The following NALF1 variants were observed in gnomAD, a reference collection of about 807,000 sequenced individuals.
NALF1 encodes the protein NALCN channel auxiliary factor 1.
A neutral mutation model predicts 48.4 loss-of-function variants in NALF1; 3 were observed. The observed-to-expected ratio is 0.06, with a 90% confidence interval of 0.03 to 0.16. The LOEUF (loss-of-function observed/expected upper bound fraction) is 0.16, where lower values mean the gene tolerates loss of function less well. Among genes scored for constraint, NALF1 ranks in the 10% least tolerant of loss-of-function variants. The pLI is 1.00. For synonymous variants in NALF1, 262 were observed against 245.7 expected, an observed-to-expected ratio of 1.07 and a Z score of -0.62; for missense variants, 526 against 571.5, an observed-to-expected ratio of 0.92 and a Z score of 0.81.
chr13:107,526,028 T>C (rs1219413298), intron 1 of NALF1, among the ~76,000 whole-genome samples: 4 of 152,252 alleles, frequency 2.6e-5, no homozygotes, highest in Admixed American at 6.5e-5. Flanking sequence ...TTTTATAATA[T>C]TATACACACA....
chr13:107,808,661 T>C (rs1399941437), intron 1 of NALF1, among the ~76,000 whole-genome samples: 18 of 108,544 alleles, frequency 1.7e-4, no homozygotes, highest in Non-Finnish European at 2.5e-4. Context: ...ATTTCCACTA[T>C]ACAGATTTAA....
At position 107,837,503 on chromosome 13, in the gene NALF1, C is replaced by T. The variant is rs4601904; in HGVS notation, c.915+28179G>A. Reference sequence around the variant, plus strand: ...AGATGAACTGCTAGAATTTTCCTTACGCATCTACCTGTTACATGGATTTGG... The same window carrying T: ...AGATGAACTGCTAGAATTTTCCTTATGCATCTACCTGTTACATGGATTTGG... On this transcript the variant is annotated intron_variant, in intron 1 of 2. Coordinates refer to ENST00000375915, the MANE Select transcript of NALF1 (RefSeq NM_001080396.3). Among the ~76,000 whole-genome samples, 5 of 152,178 alleles carry T rather than the reference C, an allele frequency of 3.3e-5. No homozygotes were observed. The South Asian group carries it at 8.3e-4, about 25-fold the overall frequency.
chr13:107,742,063 T>C (rs370801155), intron 1 of NALF1, among the ~76,000 whole-genome samples: 15 of 152,302 alleles, frequency 9.8e-5, no homozygotes, highest in African/African-American at 2.6e-4. Context: ...TAAGTAATGG[T>C]GCACCATGTT....
chr13:107,754,479 C>T (rs1304991828), intron 1 of NALF1, among the ~76,000 whole-genome samples: 1 of 151,514 alleles, frequency 6.6e-6, no homozygotes, highest in Middle Eastern at 3.2e-3. Flanking sequence ...ATCTGCGAAT[C>T]GATCTCAATG....
At chr13:107,701,222 A>G (rs1436193251) in intron 1 of NALF1, among the ~76,000 whole-genome samples, 6 of 152,190 alleles carry the variant, frequency 3.9e-5, no homozygotes, top group Non-Finnish European at 8.8e-5. Flanking sequence ...GAGCCAAAAT[A>G]TGGAAACAAC....
At chr13:107,263,249 GACACACACACACACACACAC>G (rs34637583) in intron 1 of NALF1, among the ~76,000 whole-genome samples, 2 of 138,368 alleles carry the variant, frequency 1.4e-5, no homozygotes, top group East Asian at 4.3e-4. Context: ...AATGCTAACA[GACACACACACACACACACAC>G]ACACACACAC....
chr13:107,288,088 A>T (rs1402734535), intron 1 of NALF1, among the ~76,000 whole-genome samples: 1 of 152,162 alleles, frequency 6.6e-6, no homozygotes, highest in African/African-American at 2.4e-5. Context: ...TTTAGTTATT[A>T]AAAATTTCCT....
At chr13:107,491,225 T>A (rs1315535680) in intron 1 of NALF1, among the ~76,000 whole-genome samples, 2 of 152,190 alleles carry the variant, frequency 1.3e-5, no homozygotes, top group African/African-American at 4.8e-5. Context: ...AGAACATTTA[T>A]AAAGGCTTAC....
rs370380697 is a variant in NALF1, at chr13:107,761,185, A to G, written c.915+104497T>C. Among the ~76,000 whole-genome samples the G allele has an allele frequency of 1.9e-4, 29 of 152,122 alleles. No homozygotes were observed. In the East Asian group the frequency reaches 4.9e-3, roughly 25 times the overall value. On this transcript the variant is annotated intron_variant, in intron 1 of 2. Transcript: ENST00000375915. Reference sequence around the variant, plus strand: ...ATTCTGGCTAACACGGTGAAACCCCATTTCTACTAATAATACAAAAAATTA... The same window carrying G: ...ATTCTGGCTAACACGGTGAAACCCCGTTTCTACTAATAATACAAAAAATTA...
chr13:107,396,393 A>G (rs1487616404), intron 1 of NALF1, among the ~76,000 whole-genome samples: 2 of 152,170 alleles, frequency 1.3e-5, no homozygotes, highest in Admixed American at 1.3e-4. Context: ...TGCAAGAGAG[A>G]ACATTCAGGG....
chr13:107,346,062 T>C (rs943698407), intron 1 of NALF1, among the ~76,000 whole-genome samples: 18 of 151,950 alleles, frequency 1.2e-4, no homozygotes, highest in African/African-American at 4.4e-4. Flanking sequence ...CAATGAGCTA[T>C]CACCCCATAC....
intron 1 of NALF1, among the ~76,000 whole-genome samples, chr13:107,517,645 A>C (rs746717184): frequency 6.6e-6 from 1 of 151,410 alleles, no homozygotes; most frequent in Non-Finnish European, 1.5e-5. Context: ...AAACACCAAC[A>C]AACAAACAAA....
intron 1 of NALF1, among the ~76,000 whole-genome samples, chr13:107,700,901 A>G (rs1250072001): frequency 6.6e-6 from 1 of 152,158 alleles, no homozygotes; most frequent in Admixed American, 6.5e-5. Context: ...GCTCAACATC[A>G]CTAATCAAGG....
At chr13:107,489,905 C>T (rs1194184274) in intron 1 of NALF1, among the ~76,000 whole-genome samples, 4 of 151,976 alleles carry the variant, frequency 2.6e-5, no homozygotes, top group African/African-American at 9.7e-5. Flanking sequence ...AAAAAAACAA[C>T]TCCATAAAAG....
chr13:107,223,262 A>G (rs1482994378), intron 1 of NALF1, among the ~76,000 whole-genome samples: 1 of 152,154 alleles, frequency 6.6e-6, no homozygotes, highest in Non-Finnish European at 1.5e-5. Context: ...TGTTAAATAT[A>G]TATGTATACA....
chr13:107,185,463 G>A (rs1339550259), intron 2 of NALF1, among the ~76,000 whole-genome samples: 1 of 133,294 alleles, frequency 7.5e-6, no homozygotes, highest in Non-Finnish European at 1.5e-5. Flanking sequence ...TATTCAGAGT[G>A]CTAAGAGATC....
intron 1 of NALF1, among the ~76,000 whole-genome samples, chr13:107,613,554 T>C (rs909730216): frequency 6.6e-6 from 1 of 152,250 alleles, no homozygotes; most frequent in Admixed American, 6.5e-5. Flanking sequence ...TCTGTACTTC[T>C]AGATTTCAGT....
intron 1 of NALF1, among the ~76,000 whole-genome samples, chr13:107,692,116 C>T (rs1036847257): frequency 6.6e-6 from 1 of 152,114 alleles, no homozygotes; most frequent in Non-Finnish European, 1.5e-5. Flanking sequence ...AAGAGATGAG[C>T]AGATGAGACA....
At chr13:107,317,950 A>G (rs556776385) in intron 1 of NALF1, among the ~76,000 whole-genome samples, 91 of 152,106 alleles carry the variant, frequency 6.0e-4, no homozygotes, top group African/African-American at 2.1e-3. Flanking sequence ...TTGGAATAAA[A>G]ATGCTTAGAA....
Sources: allele counts gnomAD v4.1 joint callset (sites outside exome capture counted in the v4.1 genomes callset), GRCh38; gene constraint gnomAD v4.1.1; transcripts MANE v1.5; gene names NCBI Gene and HGNC (gene_info 2026-07-23, HGNC 2026-07-21).